The following SLC16A14 variants were observed in gnomAD, a reference collection of about 807,000 sequenced individuals.
SLC16A14 encodes the protein monocarboxylate transporter 14.
In SLC16A14, 14 loss-of-function variants were observed where a neutral mutation model predicts 35.8. The ratio of observed to expected loss-of-function variants is 0.39; its 90% CI spans 0.26 to 0.61. The LOEUF (loss-of-function observed/expected upper bound fraction) is 0.61. Ranked by LOEUF, SLC16A14 falls within the 20% of genes least tolerant of loss-of-function variation. The pLI is 0.51. For missense variants in SLC16A14, 533 were observed against 655.0 expected (o/e 0.81, Z 2.03); for synonymous variants, 248 against 258.9 (o/e 0.96, Z 0.40).
At chr2:230,052,163 C>G (rs931450763) in intron 2 of SLC16A14, among the ~76,000 whole-genome samples, 2 of 152,038 alleles carry the variant, frequency 1.3e-5, no homozygotes, top group Non-Finnish European at 2.9e-5. Flanking sequence ...TCTCGATCTC[C>G]TGACCTCGTG....
At position 230,046,971 on chromosome 2, in the gene SLC16A14, A is replaced by C. The variant is rs1033951916; in HGVS notation, c.404-249T>G. 2.0e-5 allele frequency among the ~76,000 whole-genome samples: 3 copies of C among 152,186 alleles called. No individual in the cohort carries two copies. The highest frequency in any genetic ancestry group is 3.2e-3 in the Middle Eastern group (1 of 316). On this transcript the variant is annotated intron_variant, in intron 3 of 4. Coordinates refer to ENST00000295190, the MANE Select transcript of SLC16A14 (RefSeq NM_152527.5). The surrounding 1 kb of genome is among the most constrained non-coding windows in gnomAD (Gnocchi z 5.0). ...CTTTGCTGCACAAGTTCCTCCAATA[A>C]CAAAATGGAGCAGCATTCTCCCATC...
chr2:230,054,088 G>GGT (rs2077685343), intron 2 of SLC16A14, among the ~76,000 whole-genome samples: 1 of 146,364 alleles, frequency 6.8e-6, no homozygotes, highest in African/African-American at 2.7e-5. Flanking sequence ...GCCTGAGGTG[G>GGT]GGGGGGAAGT....
At position 230,046,018 on chromosome 2, in the gene SLC16A14, G is replaced by A; in HGVS notation, c.1108C>T (p.Leu370=). ...AIVHIFGKVI[L]GVIADLPCIS... ...CAAGGCAAGTCGGCTATGACGCCCA[G>A]GATCACTTTTCCAAAGATGTGAACT... The change falls in exon 4 of 5, where the codon CTG becomes TTG. Residue 370 remains leucine, a synonymous_variant. Coordinates refer to ENST00000295190, the MANE Select transcript of SLC16A14 (RefSeq NM_152527.5). This position sits in a 1 kb window ranked among gnomAD's most constrained non-coding sequence, Gnocchi z 5.0. 6.2e-7 allele frequency: 1 copy of A among 1,613,988 alleles called. No individual in the cohort carries two copies. The highest frequency in any genetic ancestry group is 8.5e-7 in the Non-Finnish European group (1 of 1,179,852).
chr2:230,066,971 G>A, intron 1 of SLC16A14: 1 of 198,322 alleles, frequency 5.0e-6, no homozygotes, highest in Non-Finnish European at 1.1e-5. Context: ...CATTGCATGT[G>A]GTGAGCTCAT....
intron 2 of SLC16A14, among the ~76,000 whole-genome samples, chr2:230,052,621 G>GA (rs112841296): frequency 0.61 from 90,654 of 148,624 alleles, 28,535 homozygotes; most frequent in Non-Finnish European, 0.69. Flanking sequence ...AGGCGTTTGA[G>GA]AAAAAAAAAA....
intron 3 of SLC16A14, among the ~76,000 whole-genome samples, chr2:230,047,574 G>A (rs1171433906): frequency 6.6e-6 from 1 of 152,088 alleles, no homozygotes; most frequent in Non-Finnish European, 1.5e-5. Flanking sequence ...CAAAGTGCTC[G>A]GATTACAGGT....
intron 2 of SLC16A14, among the ~76,000 whole-genome samples, chr2:230,056,720 A>G (rs2077707921): frequency 6.6e-6 from 1 of 151,902 alleles, no homozygotes; most frequent in South Asian, 2.1e-4. Context: ...AGTTTTAAAA[A>G]TCAGCAGGGC....
chr2:230,052,763 G>T (rs141801783), intron 2 of SLC16A14, among the ~76,000 whole-genome samples: 4 of 151,606 alleles, frequency 2.6e-5, no homozygotes, highest in African/African-American at 2.4e-5. Context: ...ATCAACTCTC[G>T]CATGCTGGGG....
intron 2 of SLC16A14, among the ~76,000 whole-genome samples, chr2:230,057,607 G>GA (rs1219647390): frequency 2.0e-5 from 3 of 148,926 alleles, no homozygotes; most frequent in Non-Finnish European, 3.0e-5. Context: ...CATTTCAAAA[G>GA]AAAAAAAAAG....
Position 230,045,791 on chromosome 2 carries a change from G to A in SLC16A14, c.1335C>T (p.Ile445=), listed in dbSNP as rs2106250886. ...IEHLANAYGI[I]ICANGISALL... ...ATGCAGAGATGCCATTAGCACAGAT[G>A]ATGATGCCGTAGGCATTGGCCAGGT... Residue 445 remains isoleucine (I), a synonymous_variant, in exon 4 of 5, where the codon ATC becomes ATT. Transcript: ENST00000295190. 1.2e-6 allele frequency: 2 copies of A among 1,614,226 alleles called. No individual in the cohort carries two copies. The highest frequency in any genetic ancestry group is 3.3e-4 in the Middle Eastern group (2 of 6,060).
Position 230,059,078 on chromosome 2 carries a change from T to A in SLC16A14, c.259+16A>T. Reference sequence around the variant, plus strand: ...GATAACGATTCAGTTTTACGACAGGTCACACATGAACATACCCACTATCAA... The same window carrying A: ...GATAACGATTCAGTTTTACGACAGGACACACATGAACATACCCACTATCAA... On this transcript the variant is annotated intron_variant, in intron 2 of 4. Coordinates refer to ENST00000295190, the MANE Select transcript of SLC16A14 (RefSeq NM_152527.5). 1 of 1,570,664 alleles carries A rather than the reference T, an allele frequency of 6.4e-7. No homozygotes were observed. The highest frequency in any genetic ancestry group is 1.2e-5 in the South Asian group (1 of 85,108).
At position 230,038,699 on chromosome 2, in the gene SLC16A14, G is replaced by T. The variant is rs1303313181; in HGVS notation, c.1382-1168C>A. On this transcript the variant is annotated intron_variant, in intron 4 of 4. Transcript: ENST00000295190. This position sits in a 1 kb window ranked among gnomAD's most constrained non-coding sequence, Gnocchi z 4.4. ...GCGGGCAGATCACATGAAGCCAGGA[G>T]TTCGAGACCAGCCTGGCCAACATGG... 6.6e-6 allele frequency among the ~76,000 whole-genome samples: 1 copy of T among 152,140 alleles called. No homozygotes were observed. The highest frequency in any genetic ancestry group is 1.5e-5 in the Non-Finnish European group (1 of 68,008).
chr2:230,058,949 A>G (rs1331279258), intron 2 of SLC16A14, 145 bp downstream of exon 2: 2 of 1,424,122 alleles, frequency 1.4e-6, no homozygotes, highest in Non-Finnish European at 1.9e-6. Context: ...GGTAAATTTT[A>G]TGTTATGCAT....
At chr2:230,041,274 G>A (rs988863307) in intron 4 of SLC16A14, among the ~76,000 whole-genome samples, 1 of 151,982 alleles carries the variant, frequency 6.6e-6, no homozygotes, top group Non-Finnish European at 1.5e-5. Flanking sequence ...GATGGCTGAG[G>A]TTTTGCCATA....
chr2:230,035,196 ATTTTT>A lies in SLC16A14; in HGVS notation c.*2179_*2183del, dbSNP rs1411978285. ...ACATGAATACTGCAAGCAGGTCTTTATTTTTTTTGACAATGGGAACTTCCACTCAT... is the reference window on the plus strand; with the variant it reads ...ACATGAATACTGCAAGCAGGTCTTTATTTGACAATGGGAACTTCCACTCAT... On this transcript the variant is annotated 3_prime_UTR_variant, in exon 5 of 5. Transcript: ENST00000295190. 1 of 152,158 alleles carries A rather than the reference ATTTTT, an allele frequency of 6.6e-6. No individual in the cohort carries two copies. The highest frequency in any genetic ancestry group is 1.5e-5 in the Non-Finnish European group (1 of 67,986). The allele number at this position is 152,158 out of a possible 1,614,324, so 9.4% of individuals were successfully genotyped here.
chr2:230,049,178 T>A (rs2077635808), intron 3 of SLC16A14, among the ~76,000 whole-genome samples: 1 of 151,020 alleles, frequency 6.6e-6, no homozygotes, highest in Non-Finnish European at 1.5e-5. Context: ...AAAACTATTC[T>A]CATATCTTAG....
intron 2 of SLC16A14, among the ~76,000 whole-genome samples, chr2:230,057,229 C>T (rs185553459): frequency 6.6e-6 from 1 of 152,094 alleles, no homozygotes; most frequent in African/African-American, 2.4e-5. Context: ...AGGGAAAGCC[C>T]CTAGTATATC....
chr2:230,063,286 G>T (rs1457397643), intron 1 of SLC16A14, among the ~76,000 whole-genome samples: 2 of 49,004 alleles, frequency 4.1e-5, no homozygotes, highest in South Asian at 1.4e-3. Flanking sequence ...GCGAAACTCT[G>T]TCTCAAAAAA....
rs1448372566 is a variant in SLC16A14 at position 230,046,360 on chromosome 2, C to A, written c.766G>T (p.Glu256Ter). 1 of 1,614,088 alleles carries A rather than the reference C, an allele frequency of 6.2e-7. No individual in the cohort carries two copies. Reference sequence around the variant, plus strand: ...GCTTGCAGGTCGCAGAGGGTCTCCTCGTTCCCGAGCCCACCATCCTTCTCT... The same window carrying A: ...GCTTGCAGGTCGCAGAGGGTCTCCTAGTTCCCGAGCCCACCATCCTTCTCT... ...TEEKDGGLGN[E>*]ETLCDLQAQE... Residue 256 changes from glutamate to a stop codon, truncating the protein, a stop_gained, in exon 4 of 5, where the codon GAG (glutamate) becomes TAG (stop). Coordinates refer to ENST00000295190, the MANE Select transcript of SLC16A14 (RefSeq NM_152527.5). LOFTEE classifies it high-confidence loss of function. The surrounding 1 kb of genome is among the most constrained non-coding windows in gnomAD (Gnocchi z 5.0).
Sources: allele counts gnomAD v4.1 joint callset (sites outside exome capture counted in the v4.1 genomes callset), GRCh38; gene constraint gnomAD v4.1.1; non-coding constraint Gnocchi (gnomAD v3.1); transcripts MANE v1.5; gene names NCBI Gene and HGNC (gene_info 2026-07-23, HGNC 2026-07-21).